The following GALNTL6 variants were observed in gnomAD, a reference collection of about 807,000 sequenced individuals.
GALNTL6 encodes the protein polypeptide N-acetylgalactosaminyltransferase-like 6.
In GALNTL6, 46 loss-of-function variants were observed where a neutral mutation model predicts 73.7. That is an observed-to-expected ratio of 0.62 (90% CI 0.49 to 0.80). The LOEUF (loss-of-function observed/expected upper bound fraction) is 0.80, where lower values mean the gene tolerates loss of function less well. Ranked by LOEUF, GALNTL6 falls within the 30% of genes least tolerant of loss-of-function variation. The probability of loss-of-function intolerance (pLI) is 0.00; values close to 1 mark genes in which losing one functional copy is unlikely to be tolerated. For missense variants in GALNTL6, 604 were observed against 755.0 expected (o/e 0.80, Z 2.34); for synonymous variants, 259 against 263.7 (o/e 0.98, Z 0.17).
chr4:172,719,481 T>G (rs569319210), intron 5 of GALNTL6, among the ~76,000 whole-genome samples: 1 of 151,316 alleles, frequency 6.6e-6, no homozygotes, highest in Non-Finnish European at 1.5e-5. Context: ...GACAAACATT[T>G]AAAAAAAAAC....
At chr4:171,992,470 T>C (rs941454017) in intron 2 of GALNTL6, among the ~76,000 whole-genome samples, 1 of 152,030 alleles carries the variant, frequency 6.6e-6, no homozygotes, top group Admixed American at 6.6e-5. Flanking sequence ...ACAGGTAATA[T>C]TGCAATTATA....
At chr4:172,278,475 C>T (rs1738911496) in intron 3 of GALNTL6, among the ~76,000 whole-genome samples, 1 of 152,066 alleles carries the variant, frequency 6.6e-6, no homozygotes, top group Non-Finnish European at 1.5e-5. Context: ...ATCTGATTAT[C>T]CTGTAAACCT....
intron 2 of GALNTL6, among the ~76,000 whole-genome samples, chr4:171,919,724 C>T (rs1410023813): frequency 2.6e-5 from 4 of 152,054 alleles, no homozygotes; most frequent in African/African-American, 4.8e-5. Context: ...GTAGTTATTA[C>T]TCTTGGTAGG....
intron 2 of GALNTL6, among the ~76,000 whole-genome samples, chr4:171,841,981 A>T (rs1579501731): frequency 6.6e-6 from 1 of 152,212 alleles, no homozygotes; most frequent in South Asian, 2.1e-4. Flanking sequence ...TGTATATTTC[A>T]TGAATTATGT....
intron 5 of GALNTL6, among the ~76,000 whole-genome samples, chr4:172,782,952 A>G (rs975609536): frequency 6.6e-6 from 1 of 152,050 alleles, no homozygotes; most frequent in Admixed American, 6.5e-5. Context: ...TGTCACATGT[A>G]TTTCCCAGGA....
At chr4:172,940,784 C>T (rs1021157935) in intron 9 of GALNTL6, among the ~76,000 whole-genome samples, 1 of 151,542 alleles carries the variant, frequency 6.6e-6, no homozygotes, top group African/African-American at 2.4e-5. Flanking sequence ...AGCCATCCTC[C>T]ATCTCAGCCT....
At chr4:172,444,896 A>G (rs1731966552) in intron 5 of GALNTL6, among the ~76,000 whole-genome samples, 1 of 152,122 alleles carries the variant, frequency 6.6e-6, no homozygotes, top group Admixed American at 6.6e-5. Flanking sequence ...CACCTTCCTA[A>G]CCTTCATCCT....
At chr4:171,829,960 G>A (rs558129) in intron 2 of GALNTL6, among the ~76,000 whole-genome samples, 42,360 of 151,710 alleles carry the variant, frequency 0.28, 6,133 homozygotes, top group Middle Eastern at 0.37. Flanking sequence ...TCAATCACAA[G>A]TCTTCTTACA....
At chr4:171,981,104 G>C (rs530996127) in intron 2 of GALNTL6, among the ~76,000 whole-genome samples, 1 of 152,302 alleles carries the variant, frequency 6.6e-6, no homozygotes, top group African/African-American at 2.4e-5. Flanking sequence ...CAGGGGTCTT[G>C]AGGACATGCA....
intron 5 of GALNTL6, among the ~76,000 whole-genome samples, chr4:172,512,152 A>C (rs1284437267): frequency 1.8e-5 from 1 of 54,260 alleles, no homozygotes; most frequent in African/African-American, 4.6e-5. Flanking sequence ...GAATTGTGAT[A>C]TTTTCTTGTT....
At chr4:172,787,433 A>G (rs1331995258) in intron 5 of GALNTL6, among the ~76,000 whole-genome samples, 3 of 152,210 alleles carry the variant, frequency 2.0e-5, no homozygotes, top group Non-Finnish European at 2.9e-5. Context: ...GATGTCACTA[A>G]ACATTCACAA....
chr4:172,211,379 C>T (rs1481970962), intron 2 of GALNTL6, among the ~76,000 whole-genome samples: 1 of 152,114 alleles, frequency 6.6e-6, no homozygotes, highest in Admixed American at 6.6e-5. Flanking sequence ...ATGTAATTAT[C>T]TGTTGCTATA....
At chr4:172,579,187 T>A (rs77385956) in intron 5 of GALNTL6, among the ~76,000 whole-genome samples, 4,066 of 152,324 alleles carry the variant, frequency 0.027, 166 homozygotes, top group African/African-American at 0.093. Flanking sequence ...CAAAAATTTT[T>A]GCTGATATTT....
chr4:172,563,772 A>T (rs1273031429), intron 5 of GALNTL6, among the ~76,000 whole-genome samples: 1 of 152,224 alleles, frequency 6.6e-6, no homozygotes, highest in African/African-American at 2.4e-5. Flanking sequence ...CTGTCCATTG[A>T]CAGGTGAGGT....
At chr4:172,705,065 C>A (rs992990603) in intron 5 of GALNTL6, among the ~76,000 whole-genome samples, 3 of 151,652 alleles carry the variant, frequency 2.0e-5, no homozygotes, top group Admixed American at 6.6e-5. Flanking sequence ...CTATTTAAAT[C>A]ATGTGTCTTT....
chr4:172,844,958 G>A (rs1173826450), intron 7 of GALNTL6, among the ~76,000 whole-genome samples: 2 of 152,126 alleles, frequency 1.3e-5, no homozygotes, highest in Admixed American at 1.3e-4. Flanking sequence ...GCTCACACCT[G>A]TAATCCCAGC....
intron 2 of GALNTL6, among the ~76,000 whole-genome samples, chr4:171,895,993 T>C (rs1019998945): frequency 6.6e-6 from 1 of 151,062 alleles, no homozygotes; most frequent in African/African-American, 2.4e-5. Flanking sequence ...AACCTCAAAA[T>C]AGATCAACAG....
intron 3 of GALNTL6, among the ~76,000 whole-genome samples, chr4:172,269,539 C>T (rs986063077): frequency 2.0e-5 from 3 of 152,106 alleles, no homozygotes; most frequent in African/African-American, 7.2e-5. Flanking sequence ...GAAAGAGACA[C>T]AGGAGAGAAG....
intron 5 of GALNTL6, chr4:172,666,766 C>T (rs933782049): frequency 6.6e-6 from 1 of 152,154 alleles, no homozygotes; most frequent in Non-Finnish European, 1.5e-5. Context: ...AAGCATCTCC[C>T]TCTCTGTTTG....
Sources: allele counts gnomAD v4.1 joint callset (sites outside exome capture counted in the v4.1 genomes callset), GRCh38; gene constraint gnomAD v4.1.1; transcripts MANE v1.5; gene names NCBI Gene and HGNC (gene_info 2026-07-23, HGNC 2026-07-21).